ADAMTS15: variants seen among roughly 807,000 people sequenced by gnomAD.
The protein encoded by ADAMTS15 is A disintegrin and metalloproteinase with thrombospondin motifs 15.
Under a neutral mutation model 79.1 loss-of-function variants are expected in ADAMTS15, and 35 were observed. The ratio of observed to expected loss-of-function variants is 0.44; its 90% CI spans 0.34 to 0.59. The LOEUF is 0.59. ADAMTS15 is among the 20% of genes least tolerant of loss of function. ADAMTS15 has a pLI of 0.02. For synonymous variants in ADAMTS15, 616 were observed against 567.3 expected, an observed-to-expected ratio of 1.09 and a Z score of -1.22; for missense variants, 1,324 against 1,318.7, an observed-to-expected ratio of 1.00 and a Z score of -0.06.
rs1938220040 is a variant in ADAMTS15, at chr11:130,462,392, C to G, written c.1259-105C>G. ...TCGGAGCCGGGCTCTGACATGAGTGCATTCCTGTTGCCCTTGGTTCATTAT... is the reference window on the plus strand; with the variant it reads ...TCGGAGCCGGGCTCTGACATGAGTGGATTCCTGTTGCCCTTGGTTCATTAT... On this transcript the variant is annotated intron_variant, in intron 3 of 7. Coordinates refer to ENST00000299164, the MANE Select transcript of ADAMTS15 (RefSeq NM_139055.4). This position sits in a 1 kb window ranked among gnomAD's most constrained non-coding sequence, Gnocchi z 4.3. The G allele has an allele frequency of 6.0e-6, 9 of 1,495,806 alleles. No homozygotes were observed. Among genetic ancestry groups the G allele is most frequent in the Non-Finnish European group, 8.1e-6 (9 of 1,112,840 alleles). 92.7% of individuals were successfully genotyped at this position (1,495,806 alleles called of 1,614,324 possible).
Position 130,449,492 on chromosome 11 carries a change from C to CGGAAG in ADAMTS15, c.519_520insGGAAG (p.Cys174GlyfsTer72). On this transcript the variant is annotated frameshift_variant, in exon 1 of 8. Transcript: ENST00000299164. LOFTEE classifies it high-confidence loss of function. The surrounding 1 kb of genome is among the most constrained non-coding windows in gnomAD (Gnocchi z 7.8). ...GGCCTTCCGGAGACCCCACCTCTCG[C>CGGAAG]TGCGGGGTGGCCTCGGGCTGGAACC... 1.3e-6 allele frequency: 2 copies of CGGAAG among 1,557,520 alleles called. No individual in the cohort carries two copies. Among genetic ancestry groups the CGGAAG allele is most frequent in the Non-Finnish European group, 1.7e-6 (2 of 1,154,316 alleles).
Position 130,473,254 on chromosome 11 carries a change from G to A in ADAMTS15, c.2286G>A (p.Thr762=), listed in dbSNP as rs61739946. 3.3e-3 allele frequency: 5,280 copies of A among 1,613,510 alleles called. 128 individuals carry two copies. The African/African-American group carries it at 0.055, about 17-fold the overall frequency. ...VKGSLLRYSG[T]GTAVESLQAS... ...GCAGTCTGCTGCGGTACAGCGGCAC[G>A]GGCACAGCGGTGGAGAGCCTGCAGG... The change falls in exon 8 of 8, where the codon ACG becomes ACA. Residue 762 remains threonine, a synonymous_variant. Transcript: ENST00000299164.
intron 4 of ADAMTS15, among the ~76,000 whole-genome samples, chr11:130,465,009 T>C (rs938447267): frequency 6.6e-6 from 1 of 151,686 alleles, no homozygotes; most frequent in Non-Finnish European, 1.5e-5. Flanking sequence ...TAAAATAAAT[T>C]GATGACCCAG....
intron 5 of ADAMTS15, among the ~76,000 whole-genome samples, chr11:130,470,195 T>TAG (rs1565397899): frequency 3.4e-5 from 2 of 58,616 alleles, no homozygotes; most frequent in African/African-American, 1.6e-4. Context: ...TGTATATATA[T>TAG]ATATATATAT....
In ADAMTS15 at chr11:130,472,723, T is replaced by A. The variant is rs1306825065; in HGVS notation, c.2079-324T>A. On this transcript the variant is annotated intron_variant, in intron 7 of 7. Coordinates refer to ENST00000299164, the MANE Select transcript of ADAMTS15 (RefSeq NM_139055.4). The surrounding 1 kb of genome is among the most constrained non-coding windows in gnomAD (Gnocchi z 4.7). The stretch of plus-strand genomic sequence containing the variant: ...TCCTCCTCCTCGTCCTCATGGCAGA[T>A]GTCTACATATCCTTGATGTGTGCCA... Among the ~76,000 whole-genome samples, 2 of 145,598 alleles carry A rather than the reference T, an allele frequency of 1.4e-5. No individual in the cohort carries two copies. The highest frequency in any genetic ancestry group is 1.4e-4 in the Admixed American group (2 of 14,678).
chr11:130,470,170 A>ACACATG (rs1555081047), intron 5 of ADAMTS15, among the ~76,000 whole-genome samples: 1 of 58,164 alleles, frequency 1.7e-5, no homozygotes, highest in Non-Finnish European at 3.3e-5. Context: ...ATATATATAT[A>ACACATG]TATATATATA....
At chr11:130,469,855 T>A (rs936578089) in intron 5 of ADAMTS15, among the ~76,000 whole-genome samples, 9 of 152,022 alleles carry the variant, frequency 5.9e-5, no homozygotes, top group African/African-American at 2.2e-4. Context: ...TACATCTCTA[T>A]TTTTATTAAT....
chr11:130,456,240 C>A (rs1410096994), intron 1 of ADAMTS15, among the ~76,000 whole-genome samples: 2 of 152,110 alleles, frequency 1.3e-5, no homozygotes, highest in African/African-American at 4.8e-5. Context: ...TAGCTATTAT[C>A]GCTCTTCTTG....
Position 130,462,758 on chromosome 11 carries a change from G to A in ADAMTS15, c.1520G>A (p.Arg507Lys), listed in dbSNP as rs755957210. The A allele has an allele frequency of 1.4e-5, 22 of 1,595,394 alleles. No individual in the cohort carries two copies. In the South Asian group the frequency reaches 2.4e-4, roughly 18 times the overall value. ...KLCLKGACVERHNLNKHRVDG... is the reference protein window; with the variant it reads ...KLCLKGACVEKHNLNKHRVDG... ...TGCCTCAAAGGGGCCTGCGTGGAGA[G>A]ACACAACCTCAACAAGCACAGGGTG... The change falls in exon 4 of 8, where the codon AGA (arginine) becomes AAA (lysine). Residue 507 changes from arginine (R) to lysine (K), a missense_variant. By Grantham distance (26) the Arg-to-Lys change is conservative. Transcript: ENST00000299164. The surrounding 1 kb of genome is among the most constrained non-coding windows in gnomAD (Gnocchi z 4.3).
At chr11:130,457,723 A>C (rs1327423783) in intron 1 of ADAMTS15, among the ~76,000 whole-genome samples, 1 of 152,188 alleles carries the variant, frequency 6.6e-6, no homozygotes, top group Admixed American at 6.5e-5. Flanking sequence ...AGTGCCTCTG[A>C]GTTCATTCCA....
intron 1 of ADAMTS15, among the ~76,000 whole-genome samples, chr11:130,454,734 C>T (rs73571218): frequency 6.6e-6 from 1 of 152,110 alleles, no homozygotes; most frequent in Non-Finnish European, 1.5e-5. Context: ...GGTTCCCTGT[C>T]GTGCAGGATG....
intron 5 of ADAMTS15, among the ~76,000 whole-genome samples, chr11:130,470,124 A>ATATACACATATATATATATATATGTG (rs1565397447): frequency 7.4e-5 from 7 of 94,416 alleles, no homozygotes; most frequent in African/African-American, 1.0e-4. Context: ...TGAATCATAT[A>ATATACACATATATATATATATATGTG]TATATATACA....
rs1391971369 is a variant in ADAMTS15 at position 130,475,231 on chromosome 11, C to T, written c.*1410C>T. On this transcript the variant is annotated 3_prime_UTR_variant, in exon 8 of 8. Transcript: ENST00000299164. ...CTTGGGAGTAGGTTTCAGGAGGCAC[C>T]AAGAATCAATGACTGACCCAGGGGG... is the stretch of plus-strand genomic sequence containing the variant. The T allele has an allele frequency of 6.6e-6, 1 of 152,266 alleles. No homozygotes were observed. The highest frequency in any genetic ancestry group is 1.5e-5 in the Non-Finnish European group (1 of 68,082). The allele number at this position is 152,266 out of a possible 1,614,324, so 9.4% of individuals were successfully genotyped here.
At position 130,473,980 on chromosome 11, in the gene ADAMTS15, C is replaced by T. The variant is rs1350317326; in HGVS notation, c.*159C>T. Reference sequence around the variant, plus strand: ...ATGGGCTGGGGCGAGAGGTTCCCTCCTCCTCCCTGGACTGGGCAGAGGGAA... The same window carrying T: ...ATGGGCTGGGGCGAGAGGTTCCCTCTTCCTCCCTGGACTGGGCAGAGGGAA... On this transcript the variant is annotated 3_prime_UTR_variant, in exon 8 of 8. Transcript: ENST00000299164. 1.9e-6 allele frequency: 2 copies of T among 1,044,576 alleles called. No individual in the cohort carries two copies. Among genetic ancestry groups the T allele is most frequent in the Non-Finnish European group, 2.7e-6 (2 of 742,514 alleles). 64.7% of individuals were successfully genotyped at this position (1,044,576 alleles called of 1,614,324 possible).
chr11:130,449,239 A>T lies in ADAMTS15; in HGVS notation c.266A>T (p.Gln89Leu). The T allele has an allele frequency of 6.2e-7, 1 of 1,613,762 alleles. No homozygotes were observed. The highest frequency in any genetic ancestry group is 1.1e-5 in the South Asian group (1 of 91,074). The change falls in exon 1 of 8, where the codon CAG (glutamine) becomes CTG (leucine). Residue 89 changes from glutamine to leucine, a missense_variant. Transcript: ENST00000299164. The surrounding 1 kb of genome is among the most constrained non-coding windows in gnomAD (Gnocchi z 7.8). ...ACTGAGCATCTGGGCGTCCCCCTCC[A>T]GGGGCTCACCGGGGGCTCTTCAGAC... The part of the protein sequence containing the change: ...FSTEHLGVPL[Q>L]GLTGGSSDLR...
chr11:130,470,119 CATATATAT>C (rs1208986843), intron 5 of ADAMTS15, among the ~76,000 whole-genome samples: 1,208 of 64,020 alleles, frequency 0.019, 122 homozygotes, highest in African/African-American at 0.075. Flanking sequence ...ATTACTGAAT[CATATATAT>C]ATATACATAT....
At chr11:130,450,777 G>A (rs1023410411) in intron 1 of ADAMTS15, among the ~76,000 whole-genome samples, 1 of 152,182 alleles carries the variant, frequency 6.6e-6, no homozygotes, top group African/African-American at 2.4e-5. Flanking sequence ...GAGCGGGCAT[G>A]CTTGCTCCTG....
chr11:130,473,032 C>G lies in ADAMTS15; in HGVS notation c.2079-15C>G, dbSNP rs371575008. 1.2e-5 allele frequency: 20 copies of G among 1,611,656 alleles called. No homozygotes were observed. The South Asian group carries it at 1.7e-4, about 13-fold the overall frequency. On this transcript the variant is annotated splice_polypyrimidine_tract_variant and intron_variant, in intron 7 of 7. Transcript: ENST00000299164. ...AGGCTTCTATCTGATGCACGGCCCCCCTTTCCCCCGCCAGGCATGGCTACA... is the reference window on the plus strand; with the variant it reads ...AGGCTTCTATCTGATGCACGGCCCCGCTTTCCCCCGCCAGGCATGGCTACA...
chr11:130,451,863 G>T (rs1382493721), intron 1 of ADAMTS15, among the ~76,000 whole-genome samples: 1 of 152,180 alleles, frequency 6.6e-6, no homozygotes, highest in African/African-American at 2.4e-5. Flanking sequence ...ACCCCCCGGG[G>T]GCTGTGTTGT....
Sources: allele counts gnomAD v4.1 joint callset (sites outside exome capture counted in the v4.1 genomes callset), GRCh38; gene constraint gnomAD v4.1.1; non-coding constraint Gnocchi (gnomAD v3.1); transcripts MANE v1.5; gene names NCBI Gene and HGNC (gene_info 2026-07-23, HGNC 2026-07-21).